Variants in BCLAF1 observed in about 807,000 individuals in gnomAD.
The protein encoded by BCLAF1 is bcl-2-associated transcription factor 1.
A neutral mutation model predicts 99.5 loss-of-function variants in BCLAF1; 10 were observed. The observed-to-expected ratio is 0.10, with a 90% CI of 0.06 to 0.17. The LOEUF is 0.17. Among genes scored for constraint, BCLAF1 ranks in the 10% least tolerant of loss-of-function variants. The pLI, the probability that BCLAF1 is intolerant of heterozygous loss-of-function variation, is 1.00. For synonymous variants in BCLAF1, 255 were observed against 370.9 expected (o/e 0.69, Z 3.59); for missense variants, 636 against 1,105.8 (o/e 0.58, Z 6.02).
chr6:136,260,546 T>C lies in BCLAF1; in HGVS notation c.*564A>G, dbSNP rs969185896. 6.5e-6 allele frequency: 1 copy of C among 152,814 alleles called. No homozygotes were observed. The highest frequency in any genetic ancestry group is 2.4e-5 in the African/African-American group (1 of 41,474). 9.5% of individuals were successfully genotyped at this position (152,814 alleles called of 1,614,324 possible). ...TAGCTATTGGCAAAGCTTTTTTTTT[T>C]TAATTCCTTCTTAAGCATTTGCTCA... is the stretch of plus-strand genomic sequence containing the variant. On this transcript the variant is annotated 3_prime_UTR_variant, in exon 13 of 13. Transcript: ENST00000531224.
intron 6 of BCLAF1, among the ~76,000 whole-genome samples, chr6:136,274,512 G>C (rs368410243): frequency 3.3e-5 from 5 of 151,872 alleles, no homozygotes; most frequent in Non-Finnish European, 7.4e-5. Context: ...TCTTGTTACC[G>C]TGTTTAAATA....
intron 11 of BCLAF1, among the ~76,000 whole-genome samples, chr6:136,262,900 A>G (rs1781211431): frequency 6.6e-6 from 1 of 152,092 alleles, no homozygotes; most frequent in African/African-American, 2.4e-5. Flanking sequence ...TCTTATCAGA[A>G]ACTGTGTGAC....
intron 1 of BCLAF1, among the ~76,000 whole-genome samples, chr6:136,283,828 TA>T (rs1219780315): frequency 6.6e-6 from 1 of 152,120 alleles, no homozygotes. Flanking sequence ...AATCGGAACC[TA>T]TTAAGGGAAA....
intron 4 of BCLAF1, among the ~76,000 whole-genome samples, 158 bp downstream of exon 4, chr6:136,277,707 A>G (rs892606066): frequency 1.3e-5 from 2 of 151,864 alleles, no homozygotes; most frequent in African/African-American, 2.4e-5. Flanking sequence ...AGTTCACCAG[A>G]TAAGAGTAAA....
intron 9 of BCLAF1, 147 bp downstream of exon 9, chr6:136,269,290 C>T: frequency 6.6e-7 from 1 of 1,525,712 alleles, no homozygotes; most frequent in Non-Finnish European, 8.8e-7. Context: ...GTGTAAAAGA[C>T]AAATACATTT....
rs562942213 is a variant in BCLAF1 at position 136,284,514 on chromosome 6, C to T, written c.-114-1827G>A. On this transcript the variant is annotated intron_variant, in intron 1 of 12. Coordinates refer to ENST00000531224, the MANE Select transcript of BCLAF1 (RefSeq NM_014739.3). ...CCAAATCGAGAACAGTTATCAGCAA[C>T]AAATCATAGTAAACTAAACATCTAA... Among the ~76,000 whole-genome samples the T allele has an allele frequency of 2.6e-5, 4 of 152,234 alleles. No individual in the cohort carries two copies. The East Asian group carries it at 7.7e-4, about 29-fold the overall frequency.
chr6:136,279,708 T>TCAACAAGTATTAACTGATATA lies in BCLAF1; in HGVS notation c.104+34_104+54dup, dbSNP rs1280395164. On this transcript the variant is annotated intron_variant, in intron 3 of 12. Coordinates refer to ENST00000531224, the MANE Select transcript of BCLAF1 (RefSeq NM_014739.3). ...TTAGCACTGTGTTTACGATACTCAT[T>TCAACAAGTATTAACTGATATA]CAACAAGTATTAACTGATATAATTA... is the stretch of plus-strand genomic sequence containing the variant. 172 of 1,402,660 alleles carry TCAACAAGTATTAACTGATATA rather than the reference T, an allele frequency of 1.2e-4. No homozygotes were observed. In the African/African-American group the frequency reaches 2.4e-3, roughly 20 times the overall value. 86.9% of individuals were successfully genotyped at this position (1,402,660 alleles called of 1,614,324 possible). A position where few individuals can be genotyped will look rare whatever the true frequency, so the allele number is the denominator to read the frequency against.
chr6:136,271,287 C>T (rs1782495466), intron 8 of BCLAF1, among the ~76,000 whole-genome samples: 1 of 151,860 alleles, frequency 6.6e-6, no homozygotes, highest in African/African-American at 2.4e-5. Flanking sequence ...AAAACAGTTG[C>T]TCCCTTTCTG....
chr6:136,278,920 G>A, intron 3 of BCLAF1, 144 bp from the exon 4 acceptor site: 1 of 786,646 alleles, frequency 1.3e-6, no homozygotes, highest in Non-Finnish European at 1.8e-6. Context: ...AAAAGTTAAT[G>A]GTTTCCAATC....
chr6:136,270,191 A>G (rs982213303), intron 8 of BCLAF1: 5 of 151,944 alleles, frequency 3.3e-5, no homozygotes, highest in African/African-American at 1.2e-4. Context: ...AATGAAACCA[A>G]TTGGTTGAAC....
rs560670996 is a variant in BCLAF1, at chr6:136,274,861, T to A, written c.1852+671A>T. On this transcript the variant is annotated intron_variant, in intron 6 of 12. Coordinates refer to ENST00000531224, the MANE Select transcript of BCLAF1 (RefSeq NM_014739.3). ...ACTGGTAAAAATTTAAAAAAAAAAATCATTACTTTAGTTGAAATAAACAAC... is the reference window on the plus strand; with the variant it reads ...ACTGGTAAAAATTTAAAAAAAAAAAACATTACTTTAGTTGAAATAAACAAC... 2.4e-4 allele frequency among the ~76,000 whole-genome samples: 37 copies of A among 151,674 alleles called. 1 individual carries two copies. The highest frequency in any genetic ancestry group is 8.7e-4 in the African/African-American group (36 of 41,300).
intron 9 of BCLAF1, 118 bp downstream of exon 9, chr6:136,269,319 T>A (rs1249697188): frequency 6.5e-7 from 1 of 1,543,264 alleles, no homozygotes; most frequent in South Asian, 1.2e-5. Context: ...AAACAAATAA[T>A]TTTAATTGTT....
chr6:136,267,332 T>C (rs905005640), intron 10 of BCLAF1, among the ~76,000 whole-genome samples, 157 bp from the exon 11 acceptor site: 7 of 152,028 alleles, frequency 4.6e-5, no homozygotes, highest in Non-Finnish European at 1.0e-4. Flanking sequence ...TTTTATATCA[T>C]AGGCAAAAAA....
chr6:136,288,330 C>G (rs541738975), intron 1 of BCLAF1, among the ~76,000 whole-genome samples: 1 of 152,214 alleles, frequency 6.6e-6, no homozygotes, highest in Non-Finnish European at 1.5e-5. Flanking sequence ...CAGCTCACAG[C>G]AGCCTCAAAC....
At chr6:136,273,372 A>G (rs546587507) in intron 6 of BCLAF1, 185 bp from the exon 7 acceptor site, 3 of 544,088 alleles carry the variant, frequency 5.5e-6, no homozygotes, top group Non-Finnish European at 6.5e-6. Context: ...GAGTGTTTCG[A>G]AAGTTGCTCA....
At chr6:136,276,919 A>G (rs1464484699) in intron 4 of BCLAF1, among the ~76,000 whole-genome samples, 1 of 152,234 alleles carries the variant, frequency 6.6e-6, no homozygotes, top group Non-Finnish European at 1.5e-5. Flanking sequence ...TATAAACAAG[A>G]GTTCACACAA....
At chr6:136,267,412 G>A (rs376438039) in intron 10 of BCLAF1, among the ~76,000 whole-genome samples, 8 of 151,864 alleles carry the variant, frequency 5.3e-5, no homozygotes, top group African/African-American at 1.9e-4. Context: ...GTACTTTCAT[G>A]GACTGAACTA....
At position 136,270,806 on chromosome 6, in the gene BCLAF1, A is replaced by G. The variant is rs1292033569; in HGVS notation, c.2043+1189T>C. On this transcript the variant is annotated intron_variant, in intron 8 of 12. Coordinates refer to ENST00000531224, the MANE Select transcript of BCLAF1 (RefSeq NM_014739.3). ...CTCTGGATCAAAATCTGGTCTATGT[A>G]ATGAGGAGAGAAGATACTCACTGTC... is the stretch of plus-strand genomic sequence containing the variant. Among the ~76,000 whole-genome samples the G allele has an allele frequency of 5.3e-5, 8 of 151,858 alleles. No individual in the cohort carries two copies. In the East Asian group the frequency reaches 1.5e-3, roughly 29 times the overall value.
intron 6 of BCLAF1, chr6:136,274,008 A>C: frequency 1.6e-6 from 2 of 1,256,462 alleles, no homozygotes; most frequent in Admixed American, 5.3e-5. Context: ...TTAAAACTTG[A>C]AACGGCCACT....
Sources: gnomAD v4.1 joint callset for allele counts (sites outside exome capture counted in the v4.1 genomes callset) on GRCh38, gnomAD v4.1.1 for gene constraint, MANE v1.5 for transcripts, NCBI Gene and HGNC (gene_info 2026-07-23, HGNC 2026-07-21) for gene names.